Variants in CCNT2 observed in about 807,000 individuals in gnomAD.
The protein encoded by CCNT2 is cyclin-T2.
A neutral mutation model predicts 70.0 loss-of-function variants in CCNT2; 18 were observed. The observed-to-expected ratio is 0.26, with a 90% CI of 0.18 to 0.38. CCNT2 has a LOEUF of 0.38. Ranked by LOEUF, CCNT2 falls within the 10% of genes least tolerant of loss-of-function variation. The pLI is 1.00. For synonymous variants in CCNT2, 334 were observed against 313.3 expected (o/e 1.07, Z -0.70); for missense variants, 734 against 890.2 (o/e 0.82, Z 2.23).
intron 2 of CCNT2, among the ~76,000 whole-genome samples, chr2:134,931,072 C>T (rs1680716548): frequency 6.6e-6 from 1 of 151,640 alleles, no homozygotes; most frequent in African/African-American, 2.4e-5. Context: ...ACGCCATTCT[C>T]CTGTCTCAGC....
chr2:134,942,625 C>G lies in CCNT2; in HGVS notation c.444C>G (p.Thr148=). The change falls in exon 5 of 9, where the codon ACC becomes ACG. Residue 148 remains threonine (T), a synonymous_variant. Transcript: ENST00000264157. ...IMLQTLGFEI[T]IEHPHTDVVK... is the part of the protein sequence containing the mutation. ...TTATCATTTCAGGTTTTGAGATCACCATTGAACACCCACACACAGATGTGG... is the reference window on the plus strand; with the variant it reads ...TTATCATTTCAGGTTTTGAGATCACGATTGAACACCCACACACAGATGTGG... 6.2e-7 allele frequency: 1 copy of G among 1,610,550 alleles called. No individual in the cohort carries two copies. Among genetic ancestry groups the G allele is most frequent in the South Asian group, 1.1e-5 (1 of 90,522 alleles).
chr2:134,935,718 A>G (rs1681097838), intron 2 of CCNT2, among the ~76,000 whole-genome samples: 1 of 152,142 alleles, frequency 6.6e-6, no homozygotes, highest in Non-Finnish European at 1.5e-5. Flanking sequence ...CTTTTGGGGT[A>G]CATATTCAAA....
At chr2:134,939,639 G>T (rs1308260543) in intron 4 of CCNT2, among the ~76,000 whole-genome samples, 1 of 151,754 alleles carries the variant, frequency 6.6e-6, no homozygotes, top group Non-Finnish European at 1.5e-5. Context: ...TTATTTTTTT[G>T]TAATTTAGTA....
intron 5 of CCNT2, chr2:134,945,775 T>C: frequency 1.5e-6 from 2 of 1,333,888 alleles, no homozygotes; most frequent in Middle Eastern, 2.0e-4. Flanking sequence ...CTTCTTTTTT[T>C]TTTAAATCCA....
At position 134,943,128 on chromosome 2, in the gene CCNT2, C is replaced by T. The variant is rs147540366; in HGVS notation, c.493+454C>T. On this transcript the variant is annotated intron_variant, in intron 5 of 8. Coordinates refer to ENST00000264157, the MANE Select transcript of CCNT2 (RefSeq NM_058241.3). Reference sequence around the variant, plus strand: ...GCCTTTGTTAAAAGATTTGTCAGTACGGTGGCTCCCACCTGTAATCCCAGC... The same window carrying T: ...GCCTTTGTTAAAAGATTTGTCAGTATGGTGGCTCCCACCTGTAATCCCAGC... 2.9e-5 allele frequency: 28 copies of T among 982,034 alleles called. No homozygotes were observed. The Middle Eastern group carries it at 1.6e-3, about 55-fold the overall frequency. The allele number at this position is 982,034 out of a possible 1,614,324, so 60.8% of individuals were successfully genotyped here. A position where few individuals can be genotyped will look rare whatever the true frequency, so the allele number is the denominator to read the frequency against.
At chr2:134,936,094 A>G (rs1681126070) in intron 2 of CCNT2, among the ~76,000 whole-genome samples, 1 of 150,768 alleles carries the variant, frequency 6.6e-6, no homozygotes, top group Admixed American at 6.6e-5. Context: ...GTATTAGAAA[A>G]TGGTGACTCT....
chr2:134,936,124 A>G (rs934352993), intron 2 of CCNT2, among the ~76,000 whole-genome samples: 14 of 148,718 alleles, frequency 9.4e-5, no homozygotes, highest in African/African-American at 3.2e-4. Flanking sequence ...AAAGGAGTAT[A>G]GTGGGTATAC....
At position 134,919,022 on chromosome 2, in the gene CCNT2, T is replaced by C; in HGVS notation, c.158+10T>C. On this transcript the variant is annotated intron_variant, in intron 1 of 8. Coordinates refer to ENST00000264157, the MANE Select transcript of CCNT2 (RefSeq NM_058241.3). ...GACAGCGTCTCAATGTGTATCCTTT[T>C]CTGTTCGCCGCCGCTCACGCCCTGT... 1.3e-6 allele frequency: 2 copies of C among 1,591,814 alleles called. No homozygotes were observed. Among genetic ancestry groups the C allele is most frequent in the Non-Finnish European group, 1.7e-6 (2 of 1,167,476 alleles).
rs1484826403 is a variant in CCNT2, at chr2:134,958,418, A to G, written c.*3770A>G. ...GGATTCACTGACTACCTTTACCCAG[A>G]TGAGGGATCAACAAATCTCACACTT... On this transcript the variant is annotated 3_prime_UTR_variant, in exon 9 of 9. Coordinates refer to ENST00000264157, the MANE Select transcript of CCNT2 (RefSeq NM_058241.3). 1.3e-5 allele frequency: 2 copies of G among 152,330 alleles called. No homozygotes were observed. Among genetic ancestry groups the G allele is most frequent in the East Asian group, 1.9e-4 (1 of 5,186 alleles). 9.4% of individuals were successfully genotyped at this position (152,330 alleles called of 1,614,324 possible). A position where few individuals can be genotyped will look rare whatever the true frequency, so the allele number is the denominator to read the frequency against.
chr2:134,919,044 C>T (rs373827002), intron 1 of CCNT2, 32 bp downstream of exon 1: 240 of 1,568,882 alleles, frequency 1.5e-4, no homozygotes, highest in Non-Finnish European at 2.0e-4. Context: ...CGCTCACGCC[C>T]TGTTTCCCTT....
chr2:134,933,119 T>G (rs1680904643), intron 2 of CCNT2, among the ~76,000 whole-genome samples: 1 of 152,218 alleles, frequency 6.6e-6, no homozygotes, highest in Non-Finnish European at 1.5e-5. Flanking sequence ...CAGGTTAGAA[T>G]GAACCTGTTG....
In CCNT2 at chr2:134,923,001, C is replaced by T. The variant is rs367751374; in HGVS notation, c.240+3110C>T. ...TGCAAGATTTAAAGCTATTGTAGGG[C>T]CTGGCATGGTAGCTAATGCCTGTAA... On this transcript the variant is annotated intron_variant, in intron 2 of 8. Coordinates refer to ENST00000264157, the MANE Select transcript of CCNT2 (RefSeq NM_058241.3). Among the ~76,000 whole-genome samples, 6 of 152,264 alleles carry T rather than the reference C, an allele frequency of 3.9e-5. No individual in the cohort carries two copies. In the East Asian group the frequency reaches 7.7e-4, roughly 20 times the overall value.
intron 1 of CCNT2, 129 bp from the exon 2 acceptor site, chr2:134,919,681 C>A (rs942268794): frequency 1.5e-5 from 10 of 663,212 alleles, no homozygotes; most frequent in Middle Eastern, 3.1e-4. Context: ...GCATTTATTT[C>A]TTTATTTCCA....
chr2:134,920,999 C>G (rs1679858512), intron 2 of CCNT2, among the ~76,000 whole-genome samples: 1 of 152,134 alleles, frequency 6.6e-6, no homozygotes, highest in Non-Finnish European at 1.5e-5. Context: ...TCTTCTATTT[C>G]TTTTTTAAAT....
At chr2:134,922,470 T>A (rs982045456) in intron 2 of CCNT2, among the ~76,000 whole-genome samples, 8 of 152,182 alleles carry the variant, frequency 5.3e-5, no homozygotes, top group Non-Finnish European at 1.2e-4. Context: ...GACCCAGAAA[T>A]GGTCTCTTAT....
intron 2 of CCNT2, among the ~76,000 whole-genome samples, chr2:134,930,650 G>A (rs1182766890): frequency 6.6e-6 from 1 of 152,118 alleles, no homozygotes; most frequent in African/African-American, 2.4e-5. Context: ...TTCTCAAAAT[G>A]TGTGAGGGTT....
intron 2 of CCNT2, among the ~76,000 whole-genome samples, chr2:134,925,086 T>C (rs1419038930): frequency 1.3e-5 from 2 of 152,212 alleles, no homozygotes; most frequent in Non-Finnish European, 2.9e-5. Context: ...AGGCTATAGA[T>C]GGTGTTAATG....
chr2:134,950,583 G>A (rs1295029454), intron 7 of CCNT2, among the ~76,000 whole-genome samples: 4 of 152,154 alleles, frequency 2.6e-5, no homozygotes, highest in Non-Finnish European at 1.5e-5. Context: ...GTTGTAGTGA[G>A]CTGTGATAAT....
In CCNT2 at chr2:134,958,710, T is replaced by G. The variant is rs1310043985; in HGVS notation, c.*4062T>G. ...GGAGCATCTATTTTTGTAATACATT[T>G]TGCCAGTGGGACTGAAAAGCTCAAA... On this transcript the variant is annotated 3_prime_UTR_variant, in exon 9 of 9. Transcript: ENST00000264157. The G allele has an allele frequency of 6.6e-6, 1 of 152,202 alleles. No individual in the cohort carries two copies. The highest frequency in any genetic ancestry group is 1.5e-5 in the Non-Finnish European group (1 of 68,020). The allele number at this position is 152,202 out of a possible 1,614,324, so 9.4% of individuals were successfully genotyped here.
Sources: gnomAD v4.1 joint callset for allele counts (sites outside exome capture counted in the v4.1 genomes callset) on GRCh38, gnomAD v4.1.1 for gene constraint, MANE v1.5 for transcripts, NCBI Gene and HGNC (gene_info 2026-07-23, HGNC 2026-07-21) for gene names.